Variants in UMAD1 observed in about 807,000 individuals in gnomAD.
UMAD1 encodes UBAP1-MVB12-associated (UMA)-domain containing protein 1.
UMAD1 carries 8 observed loss-of-function variants against 6.1 expected under a neutral mutation model. The observed-to-expected ratio is 1.30, with a 90% CI of 0.76 to 2.35. UMAD1 has a LOEUF of 2.35. Ranked by LOEUF, UMAD1 falls within the 30% of genes most tolerant of loss-of-function variation. UMAD1 has a pLI of 0.00. For synonymous variants in UMAD1, 56 were observed against 31.4 expected (o/e 1.78, Z -2.61); for missense variants, 130 against 78.4 (o/e 1.66, Z -2.49).
intron 1 of UMAD1, among the ~76,000 whole-genome samples, chr7:7,649,158 C>CAAAA (rs34943326): frequency 3.8e-4 from 49 of 128,824 alleles, no homozygotes; most frequent in Non-Finnish European, 6.1e-4. Flanking sequence ...GACTCCATCT[C>CAAAA]AAAAAAAAAA....
chr7:7,751,469 C>G (rs1781676566), intron 2 of UMAD1, among the ~76,000 whole-genome samples: 1 of 152,114 alleles, frequency 6.6e-6, no homozygotes, highest in Non-Finnish European at 1.5e-5. Context: ...TCAATTTTGG[C>G]AGAAATGAGG....
intron 3 of UMAD1, among the ~76,000 whole-genome samples, chr7:7,873,195 T>G (rs906565526): frequency 2.0e-5 from 3 of 152,178 alleles, no homozygotes; most frequent in Non-Finnish European, 4.4e-5. Context: ...CCAAGGCCAT[T>G]TGCTTATTAA....
intron 3 of UMAD1, among the ~76,000 whole-genome samples, chr7:7,876,696 G>A (rs1229476341): frequency 1.3e-5 from 2 of 152,132 alleles, no homozygotes; most frequent in African/African-American, 4.8e-5. Context: ...TAAATTATGA[G>A]TACATATATA....
intron 3 of UMAD1, among the ~76,000 whole-genome samples, chr7:7,836,361 G>T (rs923326517): frequency 2.6e-5 from 4 of 151,956 alleles, no homozygotes; most frequent in South Asian, 2.1e-4. Context: ...TCTTTGGTTT[G>T]CTCAAAATGA....
At chr7:7,750,534 G>A (rs977799902) in intron 2 of UMAD1, among the ~76,000 whole-genome samples, 1 of 151,932 alleles carries the variant, frequency 6.6e-6, no homozygotes, top group African/African-American at 2.4e-5. Flanking sequence ...CTTTAATGAC[G>A]GCCCATTTTA....
chr7:7,837,174 G>T (rs1290023798), intron 3 of UMAD1, among the ~76,000 whole-genome samples: 1 of 152,024 alleles, frequency 6.6e-6, no homozygotes, highest in African/African-American at 2.4e-5. Flanking sequence ...CTTCAAAGTG[G>T]TGAGAAAATA....
At chr7:7,692,899 G>T (rs986518620) in intron 2 of UMAD1, among the ~76,000 whole-genome samples, 2 of 152,160 alleles carry the variant, frequency 1.3e-5, no homozygotes, top group African/African-American at 4.8e-5. Flanking sequence ...GAGCCACCGT[G>T]CCTGGCCAAA....
chr7:7,847,087 CAAAAA>C (rs1190292068), intron 3 of UMAD1, among the ~76,000 whole-genome samples: 423 of 6,210 alleles, frequency 0.068, 38 homozygotes, highest in South Asian at 0.083. Flanking sequence ...GACAGCAATG[CAAAAA>C]AAAAAAAAAA....
At chr7:7,838,237 AGCTCATTGG>A (rs531280232) in intron 3 of UMAD1, among the ~76,000 whole-genome samples, 106 of 152,250 alleles carry the variant, frequency 7.0e-4, no homozygotes, top group Non-Finnish European at 1.3e-3. Flanking sequence ...CACCATACTT[AGCTCATTGG>A]GCCATACAAC....
chr7:7,843,651 A>C (rs1007812658), intron 3 of UMAD1, among the ~76,000 whole-genome samples: 1 of 152,210 alleles, frequency 6.6e-6, no homozygotes, highest in African/African-American at 2.4e-5. Flanking sequence ...TGGACCTAGT[A>C]GGCTGGAAAT....
chr7:7,662,336 G>A lies in UMAD1; in HGVS notation c.-63-10973G>A, dbSNP rs978415038. 1.2e-4 allele frequency among the ~76,000 whole-genome samples: 19 copies of A among 152,096 alleles called. 1 individual carries two copies. Among genetic ancestry groups the A allele is most frequent in the African/African-American group, 4.1e-4 (17 of 41,410 alleles). ...CAGTGAATGGTTCTGTTTTGCTGGC[G>A]TTCTAGGGGCCAGTGGGGTATGAAA... On this transcript the variant is annotated intron_variant, in intron 1 of 3. Transcript: ENST00000682710.
intron 2 of UMAD1, among the ~76,000 whole-genome samples, chr7:7,713,459 G>A (rs757510195): frequency 6.8e-6 from 1 of 147,370 alleles, no homozygotes; most frequent in Non-Finnish European, 1.5e-5. Flanking sequence ...TTTTCATTAT[G>A]TTCTGCTCCT....
intron 2 of UMAD1, among the ~76,000 whole-genome samples, chr7:7,728,925 T>C (rs967552694): frequency 1.3e-5 from 2 of 152,306 alleles, no homozygotes; most frequent in African/African-American, 2.4e-5. Context: ...TGTGCCCTCA[T>C]AGAACTGACA....
At chr7:7,870,274 G>T (rs534057272) in intron 3 of UMAD1, among the ~76,000 whole-genome samples, 1 of 152,078 alleles carries the variant, frequency 6.6e-6, no homozygotes, top group South Asian at 2.1e-4. Context: ...ACTAGGTAAG[G>T]GCAACCGCTA....
chr7:7,675,600 G>A (rs1327273901), intron 2 of UMAD1, among the ~76,000 whole-genome samples: 4 of 152,060 alleles, frequency 2.6e-5, no homozygotes, highest in South Asian at 2.1e-4. Context: ...TCCAAATTTC[G>A]TATTTTAAGA....
chr7:7,818,530 G>A (rs113177317), intron 3 of UMAD1, among the ~76,000 whole-genome samples: 18 of 152,204 alleles, frequency 1.2e-4, no homozygotes, highest in African/African-American at 4.3e-4. Flanking sequence ...TGCTGGCAAG[G>A]TTAAGGAGAA....
At chr7:7,821,918 C>T (rs2348560) in intron 3 of UMAD1, among the ~76,000 whole-genome samples, 104,698 of 151,980 alleles carry the variant, frequency 0.69, 36,487 homozygotes, top group Non-Finnish European at 0.74. Context: ...ATTACCATGG[C>T]TGACCATCTT....
chr7:7,670,878 T>C (rs1377947280), intron 1 of UMAD1, among the ~76,000 whole-genome samples: 1 of 152,196 alleles, frequency 6.6e-6, no homozygotes, highest in Non-Finnish European at 1.5e-5. Context: ...GACCCCTATC[T>C]TGGGCCCAAG....
At chr7:7,650,642 A>C (rs767044233) in intron 1 of UMAD1, among the ~76,000 whole-genome samples, 5 of 152,244 alleles carry the variant, frequency 3.3e-5, no homozygotes, top group Admixed American at 6.5e-5. Flanking sequence ...TACCACAGTT[A>C]ATAAGTAAAA....
Sources: allele counts gnomAD v4.1 joint callset (sites outside exome capture counted in the v4.1 genomes callset), GRCh38; gene constraint gnomAD v4.1.1; transcripts MANE v1.5; gene names NCBI Gene and HGNC (gene_info 2026-07-23, HGNC 2026-07-21).